Variants in RBFOX1 observed in about 807,000 individuals in gnomAD.
RBFOX1 encodes the protein RNA binding fox-1 homolog 1.
A neutral mutation model predicts 57.7 loss-of-function variants in RBFOX1; 8 were observed. That is an observed-to-expected ratio of 0.14 (90% CI 0.08 to 0.25). The LOEUF (loss-of-function observed/expected upper bound fraction) is 0.25. Among genes scored for constraint, RBFOX1 ranks in the 10% least tolerant of loss-of-function variants. The pLI is 1.00. For synonymous variants in RBFOX1, 326 were observed against 222.4 expected (o/e 1.47, Z -4.15); for missense variants, 611 against 548.5 (o/e 1.11, Z -1.14).
chr16:7,601,111 CA>C (rs1386503726), intron 9 of RBFOX1, among the ~76,000 whole-genome samples: 1 of 152,144 alleles, frequency 6.6e-6, no homozygotes, highest in Non-Finnish European at 1.5e-5. Context: ...ATGGCTTTTT[CA>C]TTTTCTTAGA....
chr16:7,588,520 G>A (rs1277991604), intron 7 of RBFOX1, among the ~76,000 whole-genome samples: 1 of 152,134 alleles, frequency 6.6e-6, no homozygotes, highest in Non-Finnish European at 1.5e-5. Context: ...AGCTCTGACG[G>A]GTCTCCTGGC....
intron 3 of RBFOX1, among the ~76,000 whole-genome samples, chr16:6,692,514 T>G (rs1369276508): frequency 6.6e-6 from 1 of 152,196 alleles, no homozygotes; most frequent in African/African-American, 2.4e-5. Flanking sequence ...AAACAGCATG[T>G]GTCGGCCTCC....
At chr16:5,497,858 T>C (rs1296507141) in intron 2 of RBFOX1, among the ~76,000 whole-genome samples, 1 of 152,166 alleles carries the variant, frequency 6.6e-6, no homozygotes, top group Non-Finnish European at 1.5e-5. Flanking sequence ...ATCAAAGGCT[T>C]GCAGGGAGGA....
At chr16:5,529,856 T>A (rs1597412274) in intron 2 of RBFOX1, among the ~76,000 whole-genome samples, 1 of 152,086 alleles carries the variant, frequency 6.6e-6, no homozygotes, top group Non-Finnish European at 1.5e-5. Flanking sequence ...GCATGAGCCA[T>A]CGTGCCTGTC....
chr16:6,256,629 C>T (rs939404526), intron 1 of RBFOX1, among the ~76,000 whole-genome samples: 2 of 152,084 alleles, frequency 1.3e-5, no homozygotes, highest in Admixed American at 6.5e-5. Flanking sequence ...GCAGTCTCAG[C>T]ACCACTGACA....
chr16:5,955,029 C>T, intron 4 of RBFOX1, among the ~76,000 whole-genome samples: 1 of 147,676 alleles, frequency 6.8e-6, no homozygotes, highest in African/African-American at 2.5e-5. Flanking sequence ...CCTTGTAATC[C>T]CAGCACTTGC....
chr16:6,111,096 G>A (rs1567480427), intron 1 of RBFOX1, among the ~76,000 whole-genome samples: 1 of 152,128 alleles, frequency 6.6e-6, no homozygotes, highest in Non-Finnish European at 1.5e-5. Flanking sequence ...AGTGTGATTT[G>A]CCTTGAAGGA....
intron 4 of RBFOX1, among the ~76,000 whole-genome samples, chr16:7,166,988 T>TTTTTTTTTTTTTTTTTTTTG: frequency 1.6e-5 from 2 of 121,958 alleles, no homozygotes; most frequent in Non-Finnish European, 3.3e-5. Flanking sequence ...TTTTTTTTTT[T>TTTTTTTTTTTTTTTTTTTTG]TTTTTTTTTT....
chr16:5,523,777 C>A (rs1234460515), intron 2 of RBFOX1, among the ~76,000 whole-genome samples: 1 of 152,162 alleles, frequency 6.6e-6, no homozygotes, highest in African/African-American at 2.4e-5. Context: ...CATAACATTT[C>A]CTCTTACTGC....
At chr16:5,314,551 C>T (rs1041526895) in intron 1 of RBFOX1, among the ~76,000 whole-genome samples, 12 of 152,252 alleles carry the variant, frequency 7.9e-5, no homozygotes, top group Admixed American at 5.9e-4. Context: ...CCCAGGCTGG[C>T]GTGCAGTGGT....
intron 3 of RBFOX1, among the ~76,000 whole-genome samples, chr16:6,857,762 A>C (rs1420798388): frequency 1.3e-5 from 2 of 152,074 alleles, no homozygotes. Flanking sequence ...TGGAATGCGA[A>C]TTTTGTTCTG....
At chr16:7,222,620 T>C (rs189881006) in intron 4 of RBFOX1, among the ~76,000 whole-genome samples, 3 of 152,360 alleles carry the variant, frequency 2.0e-5, no homozygotes, top group Admixed American at 2.0e-4. Context: ...CTGCCGCTTA[T>C]GATCTGTGTG....
At chr16:6,212,711 A>T (rs895345204) in intron 1 of RBFOX1, among the ~76,000 whole-genome samples, 1 of 7,866 alleles carries the variant, frequency 1.3e-4, no homozygotes, top group Non-Finnish European at 2.3e-3. Context: ...TGTCAAAAAA[A>T]CAAACAAACA....
chr16:6,403,626 G>T (rs894835623), intron 2 of RBFOX1, among the ~76,000 whole-genome samples: 1 of 152,100 alleles, frequency 6.6e-6, no homozygotes, highest in Non-Finnish European at 1.5e-5. Context: ...AAATGCTGGG[G>T]TTGTAGCCAT....
At position 6,872,365 on chromosome 16, in the gene RBFOX1, C is replaced by T. The variant is rs116702770; in HGVS notation, c.-15-179692C>T. Among the ~76,000 whole-genome samples, 486 of 152,228 alleles carry T rather than the reference C, an allele frequency of 3.2e-3. 3 individuals carry two copies. Among genetic ancestry groups the T allele is most frequent in the African/African-American group, 0.011 (473 of 41,552 alleles). ...TCTGTTTCTCTCTTTTTCTCTTTCTCGTAGTAATAATAGCTTTACTATGAC... is the reference window on the plus strand; with the variant it reads ...TCTGTTTCTCTCTTTTTCTCTTTCTTGTAGTAATAATAGCTTTACTATGAC... On this transcript the variant is annotated intron_variant, in intron 3 of 15. Coordinates refer to ENST00000550418, the MANE Select transcript of RBFOX1 (RefSeq NM_018723.4).
intron 12 of RBFOX1, among the ~76,000 whole-genome samples, chr16:7,655,321 A>G (rs937890989): frequency 6.6e-6 from 1 of 152,136 alleles, no homozygotes; most frequent in Non-Finnish European, 1.5e-5. Context: ...TTGTGTAGTC[A>G]TTTGAATTGG....
intron 4 of RBFOX1, among the ~76,000 whole-genome samples, chr16:5,968,250 T>G (rs1206015496): frequency 6.6e-6 from 1 of 152,078 alleles, no homozygotes; most frequent in Admixed American, 6.6e-5. Context: ...AATTTTTGTA[T>G]TTTTAGTAGA....
At chr16:5,483,899 G>A (rs2069634374) in intron 2 of RBFOX1, among the ~76,000 whole-genome samples, 1 of 152,152 alleles carries the variant, frequency 6.6e-6, no homozygotes. Flanking sequence ...GGCCATGCAT[G>A]GTGGCTCATG....
chr16:7,602,075 A>G (rs1024970611), intron 9 of RBFOX1, among the ~76,000 whole-genome samples: 3 of 152,160 alleles, frequency 2.0e-5, no homozygotes, highest in African/African-American at 7.2e-5. Context: ...GCTCTCTGGA[A>G]TGCGTTTCTT....
Sources: allele counts gnomAD v4.1 joint callset (sites outside exome capture counted in the v4.1 genomes callset), GRCh38; gene constraint gnomAD v4.1.1; transcripts MANE v1.5; gene names NCBI Gene and HGNC (gene_info 2026-07-23, HGNC 2026-07-21).